The following DPYS variants were observed in gnomAD, a reference collection of about 807,000 sequenced individuals.
DPYS encodes the protein dihydropyrimidinase, also known as dihydropyrimidine amidohydrolase.
DPYS carries 39 observed loss-of-function variants against 50.3 expected under a neutral mutation model. The ratio of observed to expected loss-of-function variants is 0.78; its 90% confidence interval spans 0.60 to 1.01. The LOEUF (loss-of-function observed/expected upper bound fraction) is 1.01. Among genes scored for constraint, DPYS ranks in the 50% least tolerant of loss-of-function variants. The pLI, the probability that DPYS is intolerant of heterozygous loss-of-function variation, is 0.00. For missense variants in DPYS, 659 were observed against 680.9 expected, an observed-to-expected ratio of 0.97 and a Z score of 0.36; for synonymous variants, 245 against 250.7, an observed-to-expected ratio of 0.98 and a Z score of 0.22.
intron 7 of DPYS, among the ~76,000 whole-genome samples, chr8:104,417,422 G>A (rs1024963593): frequency 2.0e-5 from 3 of 152,112 alleles, no homozygotes; most frequent in African/African-American, 7.2e-5. Context: ...TTAACAAGTT[G>A]GCCAATTTGG....
At chr8:104,446,190 G>T (rs752873701) in intron 3 of DPYS, among the ~76,000 whole-genome samples, 8 of 152,122 alleles carry the variant, frequency 5.3e-5, no homozygotes, top group Non-Finnish European at 8.8e-5. Context: ...CTTATGCATT[G>T]CAAGCTTGTA....
At chr8:104,425,680 A>G (rs1812699110) in intron 6 of DPYS, among the ~76,000 whole-genome samples, 1 of 152,178 alleles carries the variant, frequency 6.6e-6, no homozygotes, top group South Asian at 2.1e-4. Flanking sequence ...ATGCAATTGA[A>G]GTTTTACATG....
At chr8:104,410,888 T>C (rs1286479496) in intron 7 of DPYS, among the ~76,000 whole-genome samples, 2 of 152,220 alleles carry the variant, frequency 1.3e-5, no homozygotes, top group East Asian at 3.9e-4. Flanking sequence ...ACCATCTGGA[T>C]GGCTTTACTG....
chr8:104,392,088 CA>C (rs1267977354), intron 8 of DPYS, among the ~76,000 whole-genome samples: 13 of 152,144 alleles, frequency 8.5e-5, no homozygotes, highest in Non-Finnish European at 1.6e-4. Context: ...TTCTCCAGCC[CA>C]AAACTCCACC....
intron 6 of DPYS, among the ~76,000 whole-genome samples, chr8:104,427,027 C>T (rs1812746858): frequency 6.6e-6 from 1 of 151,680 alleles, no homozygotes; most frequent in Non-Finnish European, 1.5e-5. Context: ...ATGGTGAAAC[C>T]CCCTCTCTAT....
chr8:104,381,429 A>C, intron 8 of DPYS, 115 bp from the exon 9 acceptor site: 1 of 944,448 alleles, frequency 1.1e-6, no homozygotes, highest in Non-Finnish European at 1.7e-6. Flanking sequence ...TAAATTTATC[A>C]CGTGCCTCCC....
At chr8:104,393,079 G>C in intron 7 of DPYS, 88 bp from the exon 8 acceptor site, 7 of 1,278,120 alleles carry the variant, frequency 5.5e-6, no homozygotes. Flanking sequence ...TGACTTAGAA[G>C]AAAACTTAGC....
Position 104,410,117 on chromosome 8 carries a change from G to T in DPYS, c.1235+14130C>A, listed in dbSNP as rs572168202. ...AATGCTTGGTTCATACATGAGCAAG[G>T]CTGCAGTTATTTTGAAGTCACTTCT... On this transcript the variant is annotated intron_variant, in intron 7 of 9. Transcript: ENST00000351513. Among the ~76,000 whole-genome samples the T allele has an allele frequency of 5.9e-5, 9 of 152,232 alleles. No individual in the cohort carries two copies. In the South Asian group the frequency reaches 1.7e-3, roughly 28 times the overall value.
At chr8:104,428,154 G>A (rs1812802052) in intron 5 of DPYS, 33 bp from the exon 6 acceptor site, 2 of 1,613,690 alleles carry the variant, frequency 1.2e-6, no homozygotes, top group East Asian at 4.5e-5. Context: ...GTGATGGGGT[G>A]AGTATACAGA....
At chr8:104,417,391 T>C (rs1325781241) in intron 7 of DPYS, among the ~76,000 whole-genome samples, 5 of 152,198 alleles carry the variant, frequency 3.3e-5, no homozygotes, top group African/African-American at 1.2e-4. Context: ...AACTGACATG[T>C]CACTCTCTCT....
At chr8:104,454,491 C>T (rs887270643) in intron 1 of DPYS, among the ~76,000 whole-genome samples, 2 of 152,212 alleles carry the variant, frequency 1.3e-5, no homozygotes, top group Middle Eastern at 3.4e-3. Flanking sequence ...TTTAAATGGC[C>T]GAATTGTATT....
chr8:104,430,246 T>C (rs951042617), intron 4 of DPYS, among the ~76,000 whole-genome samples: 30 of 151,964 alleles, frequency 2.0e-4, no homozygotes, highest in Non-Finnish European at 7.4e-5. Context: ...ATTGATAATC[T>C]TTTCATGCCC....
At chr8:104,386,612 T>TC (rs1328427178) in intron 8 of DPYS, among the ~76,000 whole-genome samples, 8 of 151,538 alleles carry the variant, frequency 5.3e-5, no homozygotes, top group Non-Finnish European at 1.2e-4. Context: ...GATTTTCTTT[T>TC]TTTTTTTCTT....
intron 7 of DPYS, chr8:104,421,524 C>A (rs1023142877): frequency 6.6e-6 from 1 of 152,214 alleles, no homozygotes; most frequent in Non-Finnish European, 1.5e-5. Flanking sequence ...GTCCCAGCTA[C>A]TAGGGAGGCT....
In DPYS at chr8:104,428,009, G is replaced by C. The variant is rs559507379; in HGVS notation, c.1063C>G (p.Arg355Gly). 2 of 1,614,170 alleles carry C rather than the reference G, an allele frequency of 1.2e-6. No individual in the cohort carries two copies. The highest frequency in any genetic ancestry group is 1.7e-6 in the Non-Finnish European group (2 of 1,180,040). The change falls in exon 6 of 10, where the codon CGG becomes GGG. Residue 355 changes from arginine (R) to glycine (G), a missense_variant. By Grantham distance (125) the Arg-to-Gly change is moderately radical (BLOSUM62 -2). Coordinates refer to ENST00000351513, the MANE Select transcript of DPYS (RefSeq NM_001385.3). ...CCTTTTTCCCATATTACGGACATCC[G>C]ATCTTCAACACCATTCACCCCATTG... Reference protein sequence around the residue: ...IPNGVNGVEDRMSVIWEKGVH... With the variant: ...IPNGVNGVEDGMSVIWEKGVH...
chr8:104,396,164 TC>T (rs1385877882), intron 7 of DPYS, among the ~76,000 whole-genome samples: 1 of 152,254 alleles, frequency 6.6e-6, no homozygotes, highest in Non-Finnish European at 1.5e-5. Flanking sequence ...GCCATTATAA[TC>T]TGCCAAATAT....
chr8:104,451,883 C>G (rs746300055), intron 1 of DPYS, among the ~76,000 whole-genome samples: 1 of 152,108 alleles, frequency 6.6e-6, no homozygotes, highest in African/African-American at 2.4e-5. Context: ...AATGGTGACC[C>G]CTTTATCTTT....
chr8:104,384,589 G>C (rs1811153961), intron 8 of DPYS, among the ~76,000 whole-genome samples: 1 of 152,200 alleles, frequency 6.6e-6, no homozygotes, highest in Non-Finnish European at 1.5e-5. Flanking sequence ...GTCCGAAGTA[G>C]GAACTGCCCA....
At chr8:104,406,292 C>G (rs2140559036) in intron 7 of DPYS, among the ~76,000 whole-genome samples, 1 of 152,286 alleles carries the variant, frequency 6.6e-6, no homozygotes, top group Middle Eastern at 3.4e-3. Flanking sequence ...CCTCTCTGAA[C>G]CTCTGTTGTT....
Sources: gnomAD v4.1 joint callset for allele counts (sites outside exome capture counted in the v4.1 genomes callset) on GRCh38, gnomAD v4.1.1 for gene constraint, MANE v1.5 for transcripts, NCBI Gene and HGNC (gene_info 2026-07-23, HGNC 2026-07-21) for gene names.